The following FAM178B variants were observed in gnomAD, a reference collection of about 807,000 sequenced individuals.
The protein encoded by FAM178B is protein FAM178B.
In FAM178B, 82 loss-of-function variants were observed where a neutral mutation model predicts 91.7. The observed-to-expected ratio is 0.89, with a 90% CI of 0.75 to 1.07. The LOEUF is 1.07. FAM178B is among the 50% of genes least tolerant of loss of function. The pLI is 0.00. For missense variants in FAM178B, 769 were observed against 846.7 expected, an observed-to-expected ratio of 0.91 and a Z score of 1.14; for synonymous variants, 368 against 359.4, an observed-to-expected ratio of 1.02 and a Z score of -0.27.
At chr2:96,915,740 C>T (rs530906728) in intron 12 of FAM178B, among the ~76,000 whole-genome samples, 256 of 150,914 alleles carry the variant, frequency 1.7e-3, no homozygotes, top group African/African-American at 5.3e-3. Context: ...CGCTTAAACA[C>T]GGGAGGCGGA....
chr2:96,948,271 G>A (rs2081864286), intron 7 of FAM178B, among the ~76,000 whole-genome samples: 1 of 152,254 alleles, frequency 6.6e-6, no homozygotes. Context: ...AGCGTAAGGG[G>A]AGAGAAAGCA....
At chr2:96,967,395 T>A (rs2082156914) in intron 5 of FAM178B, 125 bp downstream of exon 5, 7 of 612,304 alleles carry the variant, frequency 1.1e-5, no homozygotes, top group Non-Finnish European at 2.0e-5. Context: ...AAGAGGTAGC[T>A]TTAGAATTCA....
chr2:96,921,487 C>A lies in FAM178B; in HGVS notation c.1455G>T (p.Trp485Cys). Residue 485 changes from tryptophan to cysteine, a missense_variant, in exon 11 of 17, where the codon TGG (tryptophan) becomes TGT (cysteine). By Grantham distance (215) the Trp-to-Cys change is radical. Transcript: ENST00000490605. ...LLLLLENIRE[W>C]PGKLQELCCT... ...TCTGGGCGTCTAGTACCTTCCCTGG[C>A]CACTCCCGGATGTTCTCCAGGAGCA... The A allele has an allele frequency of 6.4e-7, 1 of 1,551,632 alleles. No individual in the cohort carries two copies.
intron 8 of FAM178B, among the ~76,000 whole-genome samples, chr2:96,936,263 A>G (rs906455462): frequency 6.8e-4 from 104 of 152,066 alleles, no homozygotes; most frequent in African/African-American, 2.0e-3. Context: ...GTGCAGTGGC[A>G]TGATCTCTGC....
At chr2:96,977,452 AT>A (rs558867160) in intron 1 of FAM178B, among the ~76,000 whole-genome samples, 346 of 135,348 alleles carry the variant, frequency 2.6e-3, no homozygotes, top group Admixed American at 3.8e-3. Context: ...CCTTTTGGGA[AT>A]TTTTTTTTTT....
chr2:96,922,391 C>T (rs2081356870), intron 10 of FAM178B, among the ~76,000 whole-genome samples: 1 of 152,206 alleles, frequency 6.6e-6, no homozygotes, highest in African/African-American at 2.4e-5. Flanking sequence ...GCTCTGTCAC[C>T]CAGGCTGGAG....
intron 8 of FAM178B, among the ~76,000 whole-genome samples, chr2:96,944,637 C>G (rs190618296): frequency 5.3e-5 from 8 of 152,334 alleles, no homozygotes; most frequent in Non-Finnish European, 8.8e-5. Context: ...GAACGTGTCA[C>G]AGAATCACCT....
chr2:96,962,955 T>G (rs1266366370), intron 5 of FAM178B, among the ~76,000 whole-genome samples: 1 of 152,210 alleles, frequency 6.6e-6, no homozygotes, highest in Non-Finnish European at 1.5e-5. Flanking sequence ...GGTGAATGAC[T>G]TTTGTAAAGC....
At chr2:96,919,662 G>C (rs993831792) in intron 12 of FAM178B, among the ~76,000 whole-genome samples, 1 of 152,146 alleles carries the variant, frequency 6.6e-6, no homozygotes, top group Non-Finnish European at 1.5e-5. Context: ...CAGGAGGCAG[G>C]GTCGGCCTCT....
chr2:96,890,967 C>G (rs770992845), intron 14 of FAM178B, among the ~76,000 whole-genome samples: 1 of 152,202 alleles, frequency 6.6e-6, no homozygotes, highest in Non-Finnish European at 1.5e-5. Flanking sequence ...TAACCAAAAG[C>G]GGCTCAGCTT....
chr2:96,888,831 T>C (rs1041938449), intron 14 of FAM178B, among the ~76,000 whole-genome samples: 1 of 151,784 alleles, frequency 6.6e-6, no homozygotes, highest in African/African-American at 2.4e-5. Flanking sequence ...CGCAGTGGAG[T>C]TGGCACAGCT....
chr2:96,913,980 T>A (rs1485710089), intron 12 of FAM178B, among the ~76,000 whole-genome samples: 1 of 152,212 alleles, frequency 6.6e-6, no homozygotes, highest in Non-Finnish European at 1.5e-5. Flanking sequence ...CAAACCTCAA[T>A]GTATTTCCAT....
At chr2:96,973,461 G>A (rs905362686) in intron 1 of FAM178B, among the ~76,000 whole-genome samples, 2 of 152,106 alleles carry the variant, frequency 1.3e-5, no homozygotes, top group East Asian at 1.9e-4. Context: ...CCCAACAAGC[G>A]TCCTCCAGTA....
In FAM178B at chr2:96,921,148, G is replaced by C; in HGVS notation, c.1562+17C>G. On this transcript the variant is annotated intron_variant, in intron 12 of 16. Transcript: ENST00000490605. The stretch of plus-strand genomic sequence containing the variant: ...ATGCGTGTGAGAGGGAGGAGGCAGC[G>C]GGGGAGCAGCACGCACCTGCTCCGG... 2 of 1,540,902 alleles carry C rather than the reference G, an allele frequency of 1.3e-6. No homozygotes were observed. Among genetic ancestry groups the C allele is most frequent in the East Asian group, 2.4e-5 (1 of 40,868 alleles).
chr2:96,891,983 CTT>C (rs2080693385), intron 14 of FAM178B, among the ~76,000 whole-genome samples: 1 of 152,240 alleles, frequency 6.6e-6, no homozygotes, highest in African/African-American at 2.4e-5. Flanking sequence ...AAGGCAAAGA[CTT>C]TGAGCTCTGG....
intron 15 of FAM178B, 70 bp downstream of exon 15, chr2:96,878,346 A>G: frequency 2.8e-6 from 4 of 1,454,020 alleles, no homozygotes; most frequent in Non-Finnish European, 3.8e-6. Context: ...ATCCCAGCCA[A>G]CCCCCGCCGC....
rs201447903 is a variant in FAM178B, at chr2:96,953,250, C to G, written c.888-1766G>C. Among the ~76,000 whole-genome samples the G allele has an allele frequency of 2.0e-5, 3 of 152,288 alleles. No homozygotes were observed. The East Asian group carries it at 5.8e-4, about 29-fold the overall frequency. ...CACATGGAGACTTTCAGGGACTGAC[C>G]CCAGCAAGACGCATGGTTCAAGAAC... On this transcript the variant is annotated intron_variant, in intron 6 of 16. Coordinates refer to ENST00000490605, the MANE Select transcript of FAM178B (RefSeq NM_001122646.3).
At chr2:96,980,167 C>T (rs1031943992) in intron 1 of FAM178B, among the ~76,000 whole-genome samples, 1 of 150,024 alleles carries the variant, frequency 6.7e-6, no homozygotes, top group Non-Finnish European at 1.5e-5. Flanking sequence ...CCTCCGCCTC[C>T]CCGTTTTAAG....
At chr2:96,960,464 G>A in intron 5 of FAM178B, 24 bp from the exon 6 acceptor site, 1 of 1,520,242 alleles carries the variant, frequency 6.6e-7, no homozygotes, top group Non-Finnish European at 8.9e-7. Context: ...GGGCAGGAGG[G>A]CCGGGCATCA....
Sources: allele counts gnomAD v4.1 joint callset (sites outside exome capture counted in the v4.1 genomes callset), GRCh38; gene constraint gnomAD v4.1.1; transcripts MANE v1.5; gene names NCBI Gene and HGNC (gene_info 2026-07-23, HGNC 2026-07-21).